CNTN4: variants seen among roughly 807,000 people sequenced by gnomAD.
The protein encoded by CNTN4 is contactin 4.
In CNTN4, 77 loss-of-function variants were observed where a neutral mutation model predicts 122.5. That is an observed-to-expected ratio of 0.63 (90% confidence interval 0.52 to 0.76). The LOEUF (loss-of-function observed/expected upper bound fraction) is 0.76, where lower values mean the gene tolerates loss of function less well. Ranked by LOEUF, CNTN4 falls within the 30% of genes least tolerant of loss-of-function variation. The pLI, the probability that CNTN4 is intolerant of heterozygous loss-of-function variation, is 0.00. For missense variants in CNTN4, 1,256 were observed against 1,259.1 expected (o/e 1.00, Z 0.04); for synonymous variants, 512 against 447.0 (o/e 1.15, Z -1.83).
intron 13 of CNTN4, among the ~76,000 whole-genome samples, chr3:2,928,879 T>C (rs558020218): frequency 2.6e-5 from 4 of 152,208 alleles, no homozygotes; most frequent in Non-Finnish European, 5.9e-5. Flanking sequence ...TGTGGTGATA[T>C]TGTAGTTAGC....
At chr3:2,341,690 AAAAC>A (rs1374761698) in intron 3 of CNTN4, among the ~76,000 whole-genome samples, 1 of 152,244 alleles carries the variant, frequency 6.6e-6, no homozygotes, top group Non-Finnish European at 1.5e-5. Context: ...GAATATCCCC[AAAAC>A]AGTTAATTTG....
chr3:2,198,960 G>T (rs1036206186), intron 2 of CNTN4, among the ~76,000 whole-genome samples: 5 of 152,166 alleles, frequency 3.3e-5, no homozygotes, highest in Admixed American at 1.3e-4. Flanking sequence ...GGCACACAAA[G>T]AAATGACTGG....
intron 20 of CNTN4, chr3:3,040,527 A>G (rs774098580): frequency 5.6e-6 from 3 of 531,842 alleles, no homozygotes; most frequent in Non-Finnish European, 1.0e-5. Context: ...CAAATACCAT[A>G]TAAGATCTTC....
chr3:2,773,762 C>CTTTTTTT (rs1234334638), intron 6 of CNTN4, among the ~76,000 whole-genome samples: 69,851 of 106,434 alleles, frequency 0.66, 25,798 homozygotes, highest in Non-Finnish European at 0.78. Flanking sequence ...ATGTAGTAGA[C>CTTTTTTT]TTTTTTTTTT....
chr3:2,897,803 T>C (rs570133829), intron 10 of CNTN4, among the ~76,000 whole-genome samples: 1 of 152,286 alleles, frequency 6.6e-6, no homozygotes, highest in African/African-American at 2.4e-5. Flanking sequence ...CAAAAACTTG[T>C]GAATTTTAGA....
rs1009856283 is a variant in CNTN4, at chr3:2,892,839, C to A, written c.940+5615C>A. Among the ~76,000 whole-genome samples, 12 of 152,214 alleles carry A rather than the reference C, an allele frequency of 7.9e-5. No homozygotes were observed. The South Asian group carries it at 1.0e-3, about 13-fold the overall frequency. On this transcript the variant is annotated intron_variant, in intron 10 of 24. Transcript: ENST00000418658. ...GCTGGAAGCAACTGCTGGGGCCAAC[C>A]CTTTGATTTTTATAATTAAGGAAAA...
chr3:2,902,153 T>A (rs777862778), intron 11 of CNTN4, among the ~76,000 whole-genome samples: 1 of 152,146 alleles, frequency 6.6e-6, no homozygotes, highest in African/African-American at 2.4e-5. Flanking sequence ...AACTAGTACC[T>A]CTTTATATAT....
At chr3:2,220,901 C>T (rs1285722133) in intron 2 of CNTN4, among the ~76,000 whole-genome samples, 1 of 151,968 alleles carries the variant, frequency 6.6e-6, no homozygotes, top group Non-Finnish European at 1.5e-5. Context: ...CTGATAGTAT[C>T]TTTATCAGAA....
At chr3:2,618,227 T>TA (rs2081850409) in intron 4 of CNTN4, among the ~76,000 whole-genome samples, 1 of 139,400 alleles carries the variant, frequency 7.2e-6, no homozygotes, top group African/African-American at 2.7e-5. Flanking sequence ...GAAAGTGTTG[T>TA]AAAAATTAAA....
chr3:2,753,627 C>A (rs893277986), intron 6 of CNTN4, among the ~76,000 whole-genome samples: 3 of 152,152 alleles, frequency 2.0e-5, no homozygotes, highest in African/African-American at 7.2e-5. Context: ...TGCATGGCTT[C>A]CCTTATGCTG....
At chr3:2,880,949 A>G (rs1347278952) in intron 8 of CNTN4, among the ~76,000 whole-genome samples, 1 of 152,218 alleles carries the variant, frequency 6.6e-6, no homozygotes, top group Non-Finnish European at 1.5e-5. Context: ...AAAAATGTGC[A>G]TCCAGGAGGA....
At chr3:2,667,246 G>A (rs2084222477) in intron 4 of CNTN4, among the ~76,000 whole-genome samples, 1 of 152,122 alleles carries the variant, frequency 6.6e-6, no homozygotes. Context: ...ATCCTCTCCA[G>A]CACCTGCTGT....
In CNTN4 at chr3:2,351,095, G is replaced by A. The variant is rs531449795; in HGVS notation, c.-89+11862G>A. ...GTTTGCTTCAACCGTATTGACTGCT[G>A]AAGCTCAAGTTCTGTTTATAGCAAA... is the stretch of plus-strand genomic sequence containing the variant. On this transcript the variant is annotated intron_variant, in intron 3 of 24. Transcript: ENST00000418658. 3.3e-5 allele frequency among the ~76,000 whole-genome samples: 5 copies of A among 152,256 alleles called. No individual in the cohort carries two copies. The East Asian group carries it at 7.7e-4, about 24-fold the overall frequency.
chr3:2,480,081 G>C (rs1040307717), intron 3 of CNTN4, among the ~76,000 whole-genome samples: 1 of 151,812 alleles, frequency 6.6e-6, no homozygotes, highest in African/African-American at 2.4e-5. Context: ...TTCATGATAA[G>C]AACTCTCTGC....
intron 2 of CNTN4, among the ~76,000 whole-genome samples, chr3:2,151,254 A>T (rs1392806555): frequency 6.6e-6 from 1 of 152,174 alleles, no homozygotes; most frequent in African/African-American, 2.4e-5. Context: ...CTATGTGGAA[A>T]TATGATGAAG....
At chr3:2,431,042 G>C (rs1013622433) in intron 3 of CNTN4, among the ~76,000 whole-genome samples, 2 of 152,066 alleles carry the variant, frequency 1.3e-5, no homozygotes, top group African/African-American at 4.8e-5. Flanking sequence ...TATTCACCTA[G>C]CCTTTTTGTG....
Position 2,416,852 on chromosome 3 carries a change from C to G in CNTN4, c.-89+77619C>G, listed in dbSNP as rs191906163. On this transcript the variant is annotated intron_variant, in intron 3 of 24. Coordinates refer to ENST00000418658, the MANE Select transcript of CNTN4 (RefSeq NM_175607.3). The stretch of plus-strand genomic sequence containing the variant: ...TGTATTTTTAGTAGAGACGGGGTTT[C>G]ACCATGTTAGCCAGGATGGCCTCGA... 3.0e-3 allele frequency among the ~76,000 whole-genome samples: 458 copies of G among 152,170 alleles called. 8 individuals are homozygous for G. Among genetic ancestry groups the G allele is most frequent in the East Asian group, 9.7e-4 (5 of 5,158 alleles).
intron 3 of CNTN4, among the ~76,000 whole-genome samples, chr3:2,532,016 A>G (rs1293833524): frequency 2.6e-5 from 4 of 152,174 alleles, no homozygotes; most frequent in Admixed American, 6.5e-5. Flanking sequence ...CCTGTTTTTG[A>G]AATGTAACAA....
intron 14 of CNTN4, chr3:3,008,867 G>A (rs1349122256): frequency 5.2e-6 from 4 of 762,334 alleles, no homozygotes; most frequent in African/African-American, 1.9e-5. Flanking sequence ...GCAGGCATTC[G>A]GGTTTCCCAT....
Sources: allele counts gnomAD v4.1 joint callset (sites outside exome capture counted in the v4.1 genomes callset), GRCh38; gene constraint gnomAD v4.1.1; transcripts MANE v1.5; gene names NCBI Gene and HGNC (gene_info 2026-07-23, HGNC 2026-07-21).